IQSEC1: variants seen among roughly 807,000 people sequenced by gnomAD.
IQSEC1 encodes the protein IQ motif and Sec7 domain ArfGEF 1.
A neutral mutation model predicts 91.0 loss-of-function variants in IQSEC1; 31 were observed. That is an observed-to-expected ratio of 0.34 (90% CI 0.26 to 0.46). The LOEUF (loss-of-function observed/expected upper bound fraction) is 0.46. IQSEC1 is among the 20% of genes least tolerant of loss of function. The probability of loss-of-function intolerance (pLI) is 1.00; values close to 1 mark genes in which losing one functional copy is unlikely to be tolerated. For synonymous variants in IQSEC1, 699 were observed against 662.6 expected, an observed-to-expected ratio of 1.05 and a Z score of -0.84; for missense variants, 1,388 against 1,575.6, an observed-to-expected ratio of 0.88 and a Z score of 2.02.
intron 1 of IQSEC1, among the ~76,000 whole-genome samples, chr3:13,039,243 C>T (rs1279335241): frequency 1.3e-5 from 2 of 152,346 alleles, no homozygotes; most frequent in Admixed American, 6.5e-5. Context: ...AGAGGCGCCC[C>T]GTGAAGATTT....
At chr3:13,199,201 G>A (rs889039401) in intron 1 of IQSEC1, among the ~76,000 whole-genome samples, 1 of 152,204 alleles carries the variant, frequency 6.6e-6, no homozygotes, top group African/African-American at 2.4e-5. Context: ...GGAGGCACTG[G>A]CCAGGCTTAG....
At chr3:13,182,599 AG>A (rs1378769745) in intron 1 of IQSEC1, among the ~76,000 whole-genome samples, 1 of 152,232 alleles carries the variant, frequency 6.6e-6, no homozygotes, top group Non-Finnish European at 1.5e-5. Context: ...ATGGAAACCT[AG>A]GTGGAATATT....
intron 1 of IQSEC1, among the ~76,000 whole-genome samples, chr3:12,997,785 T>C (rs753109032): frequency 3.2e-4 from 48 of 152,320 alleles, no homozygotes; most frequent in Non-Finnish European, 4.6e-4. Flanking sequence ...CCAATTAATT[T>C]GACCAGGTAG....
intron 3 of IQSEC1, among the ~76,000 whole-genome samples, chr3:12,933,684 G>T (rs1235326821): frequency 9.2e-5 from 14 of 152,198 alleles, no homozygotes; most frequent in Admixed American, 9.2e-4. Context: ...TTAAAGCCAG[G>T]CAAGCAAGCC....
chr3:13,045,162 C>T (rs1182946272), intron 1 of IQSEC1, among the ~76,000 whole-genome samples: 2 of 152,238 alleles, frequency 1.3e-5, no homozygotes, highest in African/African-American at 4.8e-5. Flanking sequence ...CTGTTCCCAC[C>T]AGACTGTTGG....
intron 1 of IQSEC1, among the ~76,000 whole-genome samples, chr3:12,986,451 C>G (rs372464700): frequency 6.6e-6 from 1 of 152,230 alleles, no homozygotes; most frequent in South Asian, 2.1e-4. Context: ...CCTCTGTGAG[C>G]CTCAGTTTCC....
chr3:13,148,843 G>A (rs1440619853), intron 2 of IQSEC1, among the ~76,000 whole-genome samples: 1 of 152,272 alleles, frequency 6.6e-6, no homozygotes, highest in Non-Finnish European at 1.5e-5. Flanking sequence ...TGGATTAAAG[G>A]GGCTGAGAAT....
chr3:13,069,963 A>G (rs1023947981), intron 1 of IQSEC1, among the ~76,000 whole-genome samples: 2 of 152,158 alleles, frequency 1.3e-5, no homozygotes, highest in African/African-American at 4.8e-5. Flanking sequence ...TATCCCATCC[A>G]GTGTGCCACC....
At position 12,924,563 on chromosome 3, in the gene IQSEC1, C is replaced by A. The variant is rs1559628466; in HGVS notation, c.1730+18G>T. ...GTGTGTGGAATCAGGTCCCCCACCA[C>A]CCCCATGCAGAACTTACTCGAGCAC... On this transcript the variant is annotated intron_variant, in intron 4 of 13. Coordinates refer to ENST00000613206, the MANE Select transcript of IQSEC1 (RefSeq NM_001134382.3). The surrounding 1 kb of genome is among the most constrained non-coding windows in gnomAD (Gnocchi z 6.3). 3 of 1,567,372 alleles carry A rather than the reference C, an allele frequency of 1.9e-6. No individual in the cohort carries two copies. Among genetic ancestry groups the A allele is most frequent in the East Asian group, 2.3e-5 (1 of 42,732 alleles).
rs537499150 is a variant in IQSEC1 at position 13,046,069 on chromosome 3, C to A, written c.23+26923G>T. Among the ~76,000 whole-genome samples, 7 of 152,288 alleles carry A rather than the reference C, an allele frequency of 4.6e-5. No homozygotes were observed. In the South Asian group the frequency reaches 1.5e-3, roughly 32 times the overall value. On this transcript the variant is annotated intron_variant, in intron 1 of 13. Coordinates refer to ENST00000613206, the MANE Select transcript of IQSEC1 (RefSeq NM_001134382.3). ...ATATGAGGAACTACTAGTATGAGGG[C>A]AGGGAGTGTGCTACGGTGTTGGGCA...
chr3:12,897,576 C>T lies in IQSEC1; in HGVS notation c.*3407G>A, dbSNP rs1317984485. 6.6e-6 allele frequency: 1 copy of T among 152,214 alleles called. No individual in the cohort carries two copies. Among genetic ancestry groups the T allele is most frequent in the Non-Finnish European group, 1.5e-5 (1 of 68,054 alleles). 9.4% of individuals were successfully genotyped at this position (152,214 alleles called of 1,614,324 possible). ...CTCCCTCTTGTCCTGTGCTCAGCAC[C>T]CCCACCTCACCCTGCTCAGTGTTGC... On this transcript the variant is annotated 3_prime_UTR_variant, in exon 14 of 14. Transcript: ENST00000613206.
chr3:13,231,022 C>T (rs1694831002), intron 1 of IQSEC1, among the ~76,000 whole-genome samples: 1 of 152,200 alleles, frequency 6.6e-6, no homozygotes, highest in South Asian at 2.1e-4. Context: ...TTAAACTTTT[C>T]ATAAAGTATT....
intron 2 of IQSEC1, among the ~76,000 whole-genome samples, chr3:13,130,341 C>CAAA (rs58162524): frequency 8.4e-4 from 52 of 61,820 alleles, no homozygotes; most frequent in African/African-American, 1.8e-3. Flanking sequence ...GAGACTCTGT[C>CAAA]AAAAAAAAAA....
chr3:13,031,515 T>C (rs1203266402), intron 1 of IQSEC1, among the ~76,000 whole-genome samples: 1 of 151,864 alleles, frequency 6.6e-6, no homozygotes, highest in Non-Finnish European at 1.5e-5. Flanking sequence ...CCATGGGGGA[T>C]AATCAGAAAG....
At chr3:13,174,672 G>A (rs1236873751) in intron 1 of IQSEC1, among the ~76,000 whole-genome samples, 1 of 152,152 alleles carries the variant, frequency 6.6e-6, no homozygotes, top group Non-Finnish European at 1.5e-5. Flanking sequence ...AGTAGCAGGT[G>A]TGTCCTCGTG....
intron 1 of IQSEC1, among the ~76,000 whole-genome samples, chr3:13,224,871 T>G (rs1412640848): frequency 6.6e-6 from 1 of 152,212 alleles, no homozygotes; most frequent in African/African-American, 2.4e-5. Context: ...CCAGCACCTC[T>G]ACTAACAATT....
At position 12,998,659 on chromosome 3, in the gene IQSEC1, T is replaced by A. The variant is rs999904235; in HGVS notation, c.24-56794A>T. ...TTAAATAAAAATAAAAATCTGGAAT[T>A]AAAAAAAAAGAGGGGGTATAGAATA... On this transcript the variant is annotated intron_variant, in intron 1 of 13. Transcript: ENST00000613206. 7.3e-5 allele frequency among the ~76,000 whole-genome samples: 11 copies of A among 150,406 alleles called. 1 individual carries two copies. The highest frequency in any genetic ancestry group is 5.3e-4 in the Admixed American group (8 of 15,112).
intron 6 of IQSEC1, among the ~76,000 whole-genome samples, chr3:12,919,868 T>A (rs1408749615): frequency 2.0e-5 from 3 of 152,108 alleles, no homozygotes; most frequent in Non-Finnish European, 2.9e-5. Context: ...CAAGGATGCC[T>A]CGCTGCCTGT....
intron 2 of IQSEC1, among the ~76,000 whole-genome samples, chr3:13,131,269 A>G (rs1706611452): frequency 6.6e-6 from 1 of 151,970 alleles, no homozygotes; most frequent in Non-Finnish European, 1.5e-5. Flanking sequence ...TCTGAAACCT[A>G]CTTTGATATT....
Sources: allele counts gnomAD v4.1 joint callset (sites outside exome capture counted in the v4.1 genomes callset), GRCh38; gene constraint gnomAD v4.1.1; non-coding constraint Gnocchi (gnomAD v3.1); transcripts MANE v1.5; gene names NCBI Gene and HGNC (gene_info 2026-07-23, HGNC 2026-07-21).